Variants in ZXDC observed in about 807,000 individuals in gnomAD.
ZXDC encodes zinc finger protein ZXDC.
A neutral mutation model predicts 63.6 loss-of-function variants in ZXDC; 58 were observed. That is an observed-to-expected ratio of 0.91 (90% CI 0.74 to 1.13). The LOEUF (loss-of-function observed/expected upper bound fraction) is 1.13, where lower values mean the gene tolerates loss of function less well. Ranked by LOEUF, ZXDC falls within the 50% of genes most tolerant of loss-of-function variation. ZXDC has a pLI of 0.00. For missense variants in ZXDC, 1,133 were observed against 1,148.9 expected, an observed-to-expected ratio of 0.99 and a Z score of 0.20; for synonymous variants, 561 against 496.1, an observed-to-expected ratio of 1.13 and a Z score of -1.74.
At chr3:126,448,141 G>A (rs1271830908) in intron 7 of ZXDC, among the ~76,000 whole-genome samples, 2 of 152,256 alleles carry the variant, frequency 1.3e-5, no homozygotes, top group Non-Finnish European at 2.9e-5. Flanking sequence ...GCTTAGAACT[G>A]TGCAGGGCAC....
In ZXDC at chr3:126,475,658, T is replaced by C. The variant is rs1935191003; in HGVS notation, c.208A>G (p.Ser70Gly). 10 of 1,447,484 alleles carry C rather than the reference T, an allele frequency of 6.9e-6. No homozygotes were observed. Among genetic ancestry groups the C allele is most frequent in the Non-Finnish European group, 8.2e-6 (9 of 1,097,514 alleles). The allele number at this position is 1,447,484 out of a possible 1,614,324, so 89.7% of individuals were successfully genotyped here. A position where few individuals can be genotyped will look rare whatever the true frequency, so the allele number is the denominator to read the frequency against. The change falls in exon 1 of 10, where the codon AGC (serine) becomes GGC (glycine). Residue 70 changes from serine to glycine, a missense_variant. Coordinates refer to ENST00000389709, the MANE Select transcript of ZXDC (RefSeq NM_025112.5). ...GPSPPPAEDD[S>G]DGDSFLVLLE... ...AGCACCAAGAAAGAGTCGCCGTCGC[T>C]GTCGTCCTCGGCGGGCGGCGGGCTT...
Position 126,461,660 on chromosome 3 carries a change from G to A in ZXDC, c.2002C>T (p.Arg668Cys), listed in dbSNP as rs114811514. ...PIKVEPDSPS[R>C]PGAVGQQEGS... The stretch of plus-strand genomic sequence containing the variant: ...TCCTGCTGCCCAACTGCTCCTGGGC[G>A]AGAAGGCGAGTCCGGCTCCACCTTG... Residue 668 changes from arginine to cysteine, a missense_variant, in exon 6 of 10, where the codon CGC becomes TGC. By Grantham distance (180) the Arg-to-Cys change is radical (BLOSUM62 -3). Transcript: ENST00000389709. 153 of 1,613,892 alleles carry A rather than the reference G, an allele frequency of 9.5e-5. No homozygotes were observed. In the African/African-American group the frequency reaches 1.5e-3, roughly 16 times the overall value.
Position 126,475,091 on chromosome 3 carries a change from T to C in ZXDC, c.775A>G (p.Met259Val), listed in dbSNP as rs753427264. The change falls in exon 1 of 10, where the codon ATG becomes GTG. Residue 259 changes from methionine (M) to valine (V), a missense_variant. Coordinates refer to ENST00000389709, the MANE Select transcript of ZXDC (RefSeq NM_025112.5). ...AGGCTCTCCTGCTCGTGGCCCTTCATGTGCGCCTTGAGGTTATAGACCGTA... is the reference window on the plus strand; with the variant it reads ...AGGCTCTCCTGCTCGTGGCCCTTCACGTGCGCCTTGAGGTTATAGACCGTA... ...FTTVYNLKAHMKGHEQESLFK... is the reference protein window; with the variant it reads ...FTTVYNLKAHVKGHEQESLFK... 20 of 1,609,758 alleles carry C rather than the reference T, an allele frequency of 1.2e-5. No individual in the cohort carries two copies. The Admixed American group carries it at 2.7e-4, about 22-fold the overall frequency.
intron 8 of ZXDC, chr3:126,441,442 C>A: frequency 8.8e-7 from 1 of 1,142,206 alleles, no homozygotes; most frequent in Admixed American, 4.8e-5. Context: ...CATCCTGCTG[C>A]AAAACAGCCC....
At chr3:126,459,216 C>T (rs1934425484) in intron 7 of ZXDC, 15 of 984,912 alleles carry the variant, frequency 1.5e-5, no homozygotes, top group African/African-American at 3.5e-5. Flanking sequence ...TTCAACATAA[C>T]TCTGACAATG....
chr3:126,451,710 T>C lies in ZXDC; in HGVS notation c.2212+7943A>G, dbSNP rs552114832. Reference sequence around the variant, plus strand: ...ACCGGCTGTGTCTCGCTCGTTGCCATCCTCCTCATGACCTTCTGCACCATG... The same window carrying C: ...ACCGGCTGTGTCTCGCTCGTTGCCACCCTCCTCATGACCTTCTGCACCATG... On this transcript the variant is annotated intron_variant, in intron 7 of 9. Transcript: ENST00000389709. 4.1e-5 allele frequency: 40 copies of C among 985,360 alleles called. No homozygotes were observed. The South Asian group carries it at 1.8e-3, about 44-fold the overall frequency. The allele number at this position is 985,360 out of a possible 1,614,324, so 61.0% of individuals were successfully genotyped here.
Position 126,475,590 on chromosome 3 carries a change from T to A in ZXDC, c.276A>T (p.Gly92=), listed in dbSNP as rs775044274. The change falls in exon 1 of 10, where the codon GGA becomes GGT. Residue 92 remains glycine, a synonymous_variant. Coordinates refer to ENST00000389709, the MANE Select transcript of ZXDC (RefSeq NM_025112.5). ...GGGAGCCAGGCTCGGCCTCCTGTGA[T>A]CCGGCAGCCTCGGCGGCAGCGCCGC... ...PHGGAAAEAA[G]SQEAEPGSRV... is the part of the protein sequence containing the mutation. The A allele has an allele frequency of 4.1e-6, 6 of 1,464,194 alleles. No homozygotes were observed. The East Asian group carries it at 1.7e-4, about 43-fold the overall frequency. The allele number at this position is 1,464,194 out of a possible 1,614,324, so 90.7% of individuals were successfully genotyped here. A position where few individuals can be genotyped will look rare whatever the true frequency, so the allele number is the denominator to read the frequency against.
At chr3:126,464,937 G>T (rs113770632) in intron 5 of ZXDC, among the ~76,000 whole-genome samples, 305 of 152,320 alleles carry the variant, frequency 2.0e-3, no homozygotes, top group African/African-American at 7.1e-3. Flanking sequence ...TCCCAAGGAG[G>T]GGCTTCATGA....
chr3:126,464,584 A>G (rs772507753), intron 5 of ZXDC, among the ~76,000 whole-genome samples: 2 of 152,212 alleles, frequency 1.3e-5, no homozygotes, highest in Non-Finnish European at 2.9e-5. Flanking sequence ...AGGTTGCTAC[A>G]GAAGAGGGTC....
intron 6 of ZXDC, chr3:126,460,845 A>G (rs1457799922): frequency 1.0e-6 from 1 of 985,342 alleles, no homozygotes; most frequent in East Asian, 1.1e-4. Flanking sequence ...AATAAGATGT[A>G]ACATTCTCAA....
At chr3:126,451,193 T>C (rs1448861463) in intron 7 of ZXDC, 6 of 985,112 alleles carry the variant, frequency 6.1e-6, no homozygotes, top group African/African-American at 5.2e-5. Context: ...GAAATGATCA[T>C]AATAAAACAT....
chr3:126,467,569 A>C (rs1261693754), intron 4 of ZXDC, among the ~76,000 whole-genome samples: 1 of 152,208 alleles, frequency 6.6e-6, no homozygotes, highest in Non-Finnish European at 1.5e-5. Context: ...ATACGGCCAG[A>C]TGAGTAAGGG....
chr3:126,470,782 T>A, intron 4 of ZXDC, 113 bp downstream of exon 4: 1 of 1,437,218 alleles, frequency 7.0e-7, no homozygotes, highest in Non-Finnish European at 9.5e-7. Flanking sequence ...CTGCAACTTA[T>A]ATTGAGTCAG....
chr3:126,449,950 T>C (rs1214951142), intron 7 of ZXDC, among the ~76,000 whole-genome samples: 2 of 152,232 alleles, frequency 1.3e-5, no homozygotes, highest in Admixed American at 6.5e-5. Flanking sequence ...CGCTCACTCA[T>C]GCAGGTGCGG....
In ZXDC at chr3:126,438,179, C is replaced by G; in HGVS notation, c.*196G>C. 1.7e-6 allele frequency: 1 copy of G among 604,522 alleles called. No individual in the cohort carries two copies. The highest frequency in any genetic ancestry group is 2.8e-5 in the East Asian group (1 of 35,828). The allele number at this position is 604,522 out of a possible 1,614,324, so 37.4% of individuals were successfully genotyped here. ...AGCACTTTGCTCACAAAGGCAGTTT[C>G]AAAGAGTATAGCCCGAACTCATTCC... On this transcript the variant is annotated 3_prime_UTR_variant, in exon 10 of 10. Transcript: ENST00000389709.
rs546663305 is a variant in ZXDC at position 126,464,057 on chromosome 3, C to G, written c.1442-1837G>C. Among the ~76,000 whole-genome samples the G allele has an allele frequency of 5.9e-5, 9 of 152,244 alleles. No homozygotes were observed. In the South Asian group the frequency reaches 8.3e-4, roughly 14 times the overall value. On this transcript the variant is annotated intron_variant, in intron 5 of 9. Transcript: ENST00000389709. The stretch of plus-strand genomic sequence containing the variant: ...AACTATGTCAGTTTTTCAAAACTTC[C>G]TAAAAATTCCCTTGACTCTCTTGAG...
chr3:126,453,896 T>C (rs1280696937), intron 7 of ZXDC: 12 of 985,198 alleles, frequency 1.2e-5, no homozygotes, highest in Non-Finnish European at 1.4e-5. Context: ...CCTGATTGTC[T>C]AGAGGTTTTG....
In ZXDC at chr3:126,465,049, A is replaced by G. The variant is rs143293525; in HGVS notation, c.1441+1106T>C. ...GAGGCATGGAGGCCTGTCCCTTGCC[A>G]ACGCGGCAGCTGTGACACAGCTGCG... On this transcript the variant is annotated intron_variant, in intron 5 of 9. Transcript: ENST00000389709. Among the ~76,000 whole-genome samples the G allele has an allele frequency of 1.9e-3, 284 of 152,336 alleles. 3 individuals are homozygous for G. The highest frequency in any genetic ancestry group is 6.6e-3 in the African/African-American group (275 of 41,582).
intron 5 of ZXDC, among the ~76,000 whole-genome samples, 160 bp downstream of exon 5, chr3:126,465,995 G>A (rs1028514666): frequency 6.6e-6 from 1 of 152,212 alleles, no homozygotes; most frequent in African/African-American, 2.4e-5. Context: ...AGGCAAGAAA[G>A]TGGCAGAGAG....
Sources: gnomAD v4.1 joint callset for allele counts (sites outside exome capture counted in the v4.1 genomes callset) on GRCh38, gnomAD v4.1.1 for gene constraint, MANE v1.5 for transcripts, NCBI Gene and HGNC (gene_info 2026-07-23, HGNC 2026-07-21) for gene names.